PLD5: variants seen among roughly 807,000 people sequenced by gnomAD.
PLD5 encodes the protein inactive phospholipase D5.
A neutral mutation model predicts 61.1 loss-of-function variants in PLD5; 36 were observed. The ratio of observed to expected loss-of-function variants is 0.59; its 90% CI spans 0.45 to 0.78. The LOEUF (loss-of-function observed/expected upper bound fraction) is 0.78, where lower values mean the gene tolerates loss of function less well. Ranked by LOEUF, PLD5 falls within the 30% of genes least tolerant of loss-of-function variation. PLD5 has a pLI of 0.00. For missense variants in PLD5, 515 were observed against 644.4 expected, an observed-to-expected ratio of 0.80 and a Z score of 2.17; for synonymous variants, 243 against 242.8, an observed-to-expected ratio of 1.00 and a Z score of -0.01.
intron 8 of PLD5, among the ~76,000 whole-genome samples, chr1:242,105,392 T>C (rs561307711): frequency 6.6e-6 from 1 of 152,044 alleles, no homozygotes; most frequent in African/African-American, 2.4e-5. Flanking sequence ...CCCAGCTAAT[T>C]TTTGTATTTT....
intron 1 of PLD5, among the ~76,000 whole-genome samples, chr1:242,411,818 A>T (rs542411049): frequency 6.6e-6 from 1 of 152,176 alleles, no homozygotes; most frequent in Non-Finnish European, 1.5e-5. Context: ...GCCCCAATCA[A>T]TTAAGGTTTA....
chr1:242,369,492 T>A (rs2149244830), intron 1 of PLD5, among the ~76,000 whole-genome samples: 1 of 152,318 alleles, frequency 6.6e-6, no homozygotes, highest in Non-Finnish European at 1.5e-5. Context: ...AGAGGATTCC[T>A]ACAATACAGT....
At chr1:242,121,576 C>T (rs2148724950) in intron 6 of PLD5, among the ~76,000 whole-genome samples, 1 of 152,194 alleles carries the variant, frequency 6.6e-6, no homozygotes, top group East Asian at 1.9e-4. Context: ...TTTGACCCAG[C>T]CGTCCCATTG....
chr1:242,435,814 T>C (rs1238909929), intron 1 of PLD5, among the ~76,000 whole-genome samples: 1 of 152,172 alleles, frequency 6.6e-6, no homozygotes, highest in African/African-American at 2.4e-5. Flanking sequence ...TTTTCTACCT[T>C]TGACATGGGA....
chr1:242,412,758 G>A (rs1192501855), intron 1 of PLD5, among the ~76,000 whole-genome samples: 1 of 152,214 alleles, frequency 6.6e-6, no homozygotes, highest in Non-Finnish European at 1.5e-5. Context: ...TATTGTAAAT[G>A]TAAAAGGTGC....
chr1:242,123,790 T>C (rs913582533), intron 6 of PLD5, among the ~76,000 whole-genome samples: 1 of 152,184 alleles, frequency 6.6e-6, no homozygotes, highest in African/African-American at 2.4e-5. Flanking sequence ...GGCCCAGATA[T>C]TTACATTGCC....
At chr1:242,453,525 T>C (rs1666853265) in intron 1 of PLD5, among the ~76,000 whole-genome samples, 1 of 152,134 alleles carries the variant, frequency 6.6e-6, no homozygotes, top group Non-Finnish European at 1.5e-5. Flanking sequence ...CAACAAGACA[T>C]CATTACCTCC....
chr1:242,138,581 C>A (rs181109082), intron 5 of PLD5, among the ~76,000 whole-genome samples: 5 of 152,076 alleles, frequency 3.3e-5, no homozygotes, highest in African/African-American at 1.2e-4. Context: ...TATAAAGGTC[C>A]AATGCGGAAA....
chr1:242,407,205 T>C (rs1229828602), intron 1 of PLD5, among the ~76,000 whole-genome samples: 4 of 152,198 alleles, frequency 2.6e-5, no homozygotes, highest in Non-Finnish European at 5.9e-5. Flanking sequence ...CCTGCCACCA[T>C]GTAAGACGTG....
In PLD5 at chr1:242,484,793, C is replaced by T. The variant is rs190588499; in HGVS notation, c.189+39295G>A. ...TTAGACCAATATCCCTGATGAACAT[C>T]GATGCAAAAATCCTCAATAAAATAC... On this transcript the variant is annotated intron_variant, in intron 1 of 9. Coordinates refer to ENST00000536534, the MANE Select transcript of PLD5 (RefSeq NM_001372062.1). Among the ~76,000 whole-genome samples, 967 of 152,216 alleles carry T rather than the reference C, an allele frequency of 6.4e-3. 3 individuals are homozygous for T. Among genetic ancestry groups the T allele is most frequent in the Admixed American group, 0.011 (175 of 15,282 alleles).
At chr1:242,528,823 T>C (rs776642743), upstream of PLD5, among the ~76,000 whole-genome samples, 1 of 152,198 alleles carries the variant, frequency 6.6e-6, no homozygotes, top group East Asian at 1.9e-4. Flanking sequence ...CCATGTCCGA[T>C]AAAAAAATCT....
At chr1:242,226,848 A>G (rs988225204) in intron 4 of PLD5, among the ~76,000 whole-genome samples, 4 of 152,178 alleles carry the variant, frequency 2.6e-5, no homozygotes, top group African/African-American at 9.7e-5. Context: ...TAACCAAAAT[A>G]TCGTACTTTA....
intron 1 of PLD5, among the ~76,000 whole-genome samples, chr1:242,515,533 A>G (rs1669077533): frequency 6.6e-6 from 1 of 152,208 alleles, no homozygotes; most frequent in South Asian, 2.1e-4. Flanking sequence ...GTTTCTTGAC[A>G]TAAATGGAAT....
At chr1:242,468,714 CAT>C (rs1331689884) in intron 1 of PLD5, among the ~76,000 whole-genome samples, 5 of 151,844 alleles carry the variant, frequency 3.3e-5, no homozygotes, top group East Asian at 1.9e-4. Flanking sequence ...CACACACACA[CAT>C]ACACACACAT....
At chr1:242,491,280 T>C (rs1290347310) in intron 1 of PLD5, among the ~76,000 whole-genome samples, 2 of 152,222 alleles carry the variant, frequency 1.3e-5, no homozygotes, top group Admixed American at 1.3e-4. Context: ...TTGATCATAA[T>C]TCTAGAAGAG....
chr1:242,167,079 TA>T (rs1182311537), intron 5 of PLD5, among the ~76,000 whole-genome samples: 4 of 1,968 alleles, frequency 2.0e-3, no homozygotes, highest in South Asian at 0.012. Flanking sequence ...ATAATAATAG[TA>T]ATAATAATAA....
chr1:242,419,232 G>A (rs989635050), intron 1 of PLD5, among the ~76,000 whole-genome samples: 8 of 152,298 alleles, frequency 5.3e-5, no homozygotes, highest in African/African-American at 1.4e-4. Context: ...CCTGCGTGAC[G>A]TTTCTCATGC....
At chr1:242,413,573 C>T (rs1572099695) in intron 1 of PLD5, among the ~76,000 whole-genome samples, 1 of 152,204 alleles carries the variant, frequency 6.6e-6, no homozygotes, top group African/African-American at 2.4e-5. Flanking sequence ...TTCCCACTCA[C>T]AAACGACTTC....
chr1:242,312,409 G>A (rs4039098), intron 2 of PLD5, among the ~76,000 whole-genome samples: 9,775 of 152,018 alleles, frequency 0.064, 346 homozygotes, highest in Middle Eastern at 0.11. Flanking sequence ...CTGTGTGCAC[G>A]CTTTTTTCTG....
Sources: gnomAD v4.1 joint callset for allele counts (sites outside exome capture counted in the v4.1 genomes callset) on GRCh38, gnomAD v4.1.1 for gene constraint, MANE v1.5 for transcripts, NCBI Gene and HGNC (gene_info 2026-07-23, HGNC 2026-07-21) for gene names.